TMEM123: variants seen among roughly 807,000 people sequenced by gnomAD.
TMEM123 encodes porimin.
Under a neutral mutation model 19.7 loss-of-function variants are expected in TMEM123, and 16 were observed. That is an observed-to-expected ratio of 0.81 (90% CI 0.55 to 1.23). The LOEUF is 1.23. TMEM123 is among the 50% of genes most tolerant of loss of function. The probability of loss-of-function intolerance (pLI) is 0.00; values close to 1 mark genes in which losing one functional copy is unlikely to be tolerated. For synonymous variants in TMEM123, 118 were observed against 99.4 expected (o/e 1.19, Z -1.12); for missense variants, 313 against 257.8 (o/e 1.21, Z -1.47).
intron 2 of TMEM123, among the ~76,000 whole-genome samples, chr11:102,404,565 T>C (rs1239677473): frequency 6.6e-6 from 1 of 151,938 alleles, no homozygotes; most frequent in African/African-American, 2.4e-5. Flanking sequence ...ACTACAGGTG[T>C]GAGCCCCTGC....
chr11:102,427,142 C>A lies in TMEM123; in HGVS notation c.157+21670G>T, dbSNP rs151146797. On this transcript the variant is annotated intron_variant, in intron 2 of 4. Transcript: ENST00000398136. ...AACACACTATACATATCTTTATCCT[C>A]CATATCTAGCTAGCTCACTGACAAA... Among the ~76,000 whole-genome samples the A allele has an allele frequency of 2.7e-3, 414 of 151,140 alleles. 3 individuals are homozygous for A. The highest frequency in any genetic ancestry group is 9.6e-3 in the African/African-American group (397 of 41,198).
In TMEM123 at chr11:102,452,665, C is replaced by G. The variant is rs1342674107; in HGVS notation, c.-42G>C. The G allele has an allele frequency of 7.2e-7, 1 of 1,397,644 alleles. No individual in the cohort carries two copies. Among genetic ancestry groups the G allele is most frequent in the Non-Finnish European group, 9.4e-7 (1 of 1,064,908 alleles). 86.6% of individuals were successfully genotyped at this position (1,397,644 alleles called of 1,614,324 possible). On this transcript the variant is annotated 5_prime_UTR_variant, in exon 1 of 5. Coordinates refer to ENST00000398136, the MANE Select transcript of TMEM123 (RefSeq NM_052932.3). ...TGCGGCAGCCTCGTGGGCTCCCAGC[C>G]GAGGTGGCGGCGGCGAGAGCGGCTC...
At chr11:102,416,622 A>T (rs1952045354) in intron 2 of TMEM123, among the ~76,000 whole-genome samples, 1 of 152,076 alleles carries the variant, frequency 6.6e-6, no homozygotes, top group African/African-American at 2.4e-5. Context: ...AAAAATTAAG[A>T]AGAGATTCTA....
chr11:102,448,607 T>C (rs1202450497), intron 2 of TMEM123, among the ~76,000 whole-genome samples: 3 of 152,202 alleles, frequency 2.0e-5, no homozygotes, highest in African/African-American at 7.2e-5. Flanking sequence ...TTGACATCTT[T>C]ACAAGACTGA....
chr11:102,445,319 A>G (rs921897890), intron 2 of TMEM123, among the ~76,000 whole-genome samples: 2 of 150,192 alleles, frequency 1.3e-5, no homozygotes, highest in Non-Finnish European at 3.0e-5. Context: ...AAAAACTAGT[A>G]TTGATATCTC....
intron 2 of TMEM123, among the ~76,000 whole-genome samples, chr11:102,413,165 A>ATT (rs1565349395): frequency 6.6e-6 from 1 of 152,184 alleles, no homozygotes; most frequent in Non-Finnish European, 1.5e-5. Context: ...CCAGCAACTC[A>ATT]TACAAATGTT....
chr11:102,406,487 T>G (rs971164078), intron 2 of TMEM123, among the ~76,000 whole-genome samples: 1 of 151,862 alleles, frequency 6.6e-6, no homozygotes, highest in African/African-American at 2.4e-5. Context: ...GCACTGGGAG[T>G]AGACCACACC....
chr11:102,440,240 A>G (rs1857810197), intron 2 of TMEM123, among the ~76,000 whole-genome samples: 1 of 152,220 alleles, frequency 6.6e-6, no homozygotes, highest in South Asian at 2.1e-4. Flanking sequence ...TCCAGGACAC[A>G]TAATTGTCAG....
intron 2 of TMEM123, among the ~76,000 whole-genome samples, chr11:102,404,084 TTA>T (rs1467297300): frequency 2.6e-5 from 4 of 152,196 alleles, no homozygotes; most frequent in African/African-American, 9.7e-5. Context: ...TCCCATTTTA[TTA>T]TATATGTCCA....
In TMEM123 at chr11:102,398,163, C is replaced by T. The variant is rs534411195; in HGVS notation, c.*704G>A. 6.4e-6 allele frequency: 1 copy of T among 155,936 alleles called. No homozygotes were observed. Among genetic ancestry groups the T allele is most frequent in the African/African-American group, 2.4e-5 (1 of 41,724 alleles). The allele number at this position is 155,936 out of a possible 1,614,324, so 9.7% of individuals were successfully genotyped here. On this transcript the variant is annotated 3_prime_UTR_variant, in exon 5 of 5. Transcript: ENST00000398136. ...TAAACACTGCAGTTTACCTAAATTA[C>T]ACAGAGAACAAAAATTACATCAACA... is the stretch of plus-strand genomic sequence containing the variant.
rs1285217234 is a variant in TMEM123 at position 102,411,681 on chromosome 11, T to TG, written c.158-9476dup. Reference sequence around the variant, plus strand: ...GCTGATGTCTGAGAACTGGCAGAGGTGGGAAAAAAAAAAAACACACATCTG... The same window carrying TG: ...GCTGATGTCTGAGAACTGGCAGAGGTGGGGAAAAAAAAAAAACACACATCTG... On this transcript the variant is annotated intron_variant, in intron 2 of 4. Transcript: ENST00000398136. Among the ~76,000 whole-genome samples, 4 of 147,484 alleles carry TG rather than the reference T, an allele frequency of 2.7e-5. 1 individual carries two copies. The highest frequency in any genetic ancestry group is 3.9e-4 in the East Asian group (2 of 5,090).
intron 2 of TMEM123, among the ~76,000 whole-genome samples, chr11:102,416,026 T>C (rs950149141): frequency 3.3e-5 from 5 of 152,154 alleles, no homozygotes; most frequent in African/African-American, 1.2e-4. Flanking sequence ...GTGATTCTCC[T>C]GCCTCGGCCT....
At chr11:102,411,908 G>C (rs1439195354) in intron 2 of TMEM123, among the ~76,000 whole-genome samples, 1 of 152,174 alleles carries the variant, frequency 6.6e-6, no homozygotes, top group East Asian at 1.9e-4. Flanking sequence ...AGGTATGTCT[G>C]AACTCTTCAC....
chr11:102,406,208 C>T (rs549394537), intron 2 of TMEM123, among the ~76,000 whole-genome samples: 2 of 152,326 alleles, frequency 1.3e-5, no homozygotes, highest in African/African-American at 4.8e-5. Flanking sequence ...CTCCGATAAG[C>T]TAAGGTTGAA....
Position 102,402,148 on chromosome 11 carries a change from T to C in TMEM123, c.216A>G (p.Lys72=). ...AGTCTGAGGCAACTGAAGTTGGTGG[T>C]TTCACAGTACTGTTGGAAGTTTCAT... The part of the protein sequence containing the change: ...HTNETSNSTV[K]PPTSVASDSS... The change falls in exon 3 of 5, where the codon AAA becomes AAG. Residue 72 remains lysine, a synonymous_variant. Coordinates refer to ENST00000398136, the MANE Select transcript of TMEM123 (RefSeq NM_052932.3). 6.2e-7 allele frequency: 1 copy of C among 1,614,182 alleles called. No homozygotes were observed. The highest frequency in any genetic ancestry group is 1.1e-5 in the South Asian group (1 of 91,082).
intron 2 of TMEM123, among the ~76,000 whole-genome samples, chr11:102,436,752 GAA>G (rs1857767031): frequency 6.6e-6 from 1 of 152,180 alleles, no homozygotes; most frequent in African/African-American, 2.4e-5. Context: ...CTGAAAGAAG[GAA>G]GTCATGGGAA....
rs1165980681 is a variant in TMEM123 at position 102,396,440 on chromosome 11, GA to G, written c.*2426del. The stretch of plus-strand genomic sequence containing the variant: ...AAGAAGAGTTTAACTTTTTTTTTGT[GA>G]AAATACAAAATTATCACTATAATAT... On this transcript the variant is annotated 3_prime_UTR_variant, in exon 5 of 5. Transcript: ENST00000398136. 1.3e-5 allele frequency: 2 copies of G among 151,682 alleles called. No homozygotes were observed. Among genetic ancestry groups the G allele is most frequent in the Non-Finnish European group, 2.9e-5 (2 of 67,914 alleles). The allele number at this position is 151,682 out of a possible 1,614,324, so 9.4% of individuals were successfully genotyped here.
chr11:102,404,747 G>A (rs188496352), intron 2 of TMEM123, among the ~76,000 whole-genome samples: 46 of 151,534 alleles, frequency 3.0e-4, no homozygotes, highest in African/African-American at 9.4e-4. Flanking sequence ...TTACAGGCAT[G>A]CACCACCAAG....
At chr11:102,411,957 C>T (rs1952009053) in intron 2 of TMEM123, among the ~76,000 whole-genome samples, 1 of 152,148 alleles carries the variant, frequency 6.6e-6, no homozygotes. Flanking sequence ...TGCTGCCTAC[C>T]CTTCTGCCCC....
Sources: allele counts gnomAD v4.1 joint callset (sites outside exome capture counted in the v4.1 genomes callset), GRCh38; gene constraint gnomAD v4.1.1; transcripts MANE v1.5; gene names NCBI Gene and HGNC (gene_info 2026-07-23, HGNC 2026-07-21).